KANSL1: variants seen among roughly 807,000 people sequenced by gnomAD.
KANSL1 encodes MLL1/MLL complex subunit KANSL1.
Under a neutral mutation model 103.6 loss-of-function variants are expected in KANSL1, and 22 were observed. That is an observed-to-expected ratio of 0.21 (90% CI 0.15 to 0.30). KANSL1 has a LOEUF of 0.30. Among genes scored for constraint, KANSL1 ranks in the 10% least tolerant of loss-of-function variants. The pLI is 1.00. For synonymous variants in KANSL1, 600 were observed against 527.6 expected, an observed-to-expected ratio of 1.14 and a Z score of -1.88; for missense variants, 1,337 against 1,399.8, an observed-to-expected ratio of 0.96 and a Z score of 0.72.
At chr17:46,064,632 C>T (rs953486540) in intron 6 of KANSL1, among the ~76,000 whole-genome samples, 1 of 152,152 alleles carries the variant, frequency 6.6e-6, no homozygotes. Context: ...AATCCCTCCT[C>T]CTCCTCCCTC....
chr17:46,175,310 C>G (rs2046465662), intron 1 of KANSL1, among the ~76,000 whole-genome samples: 1 of 137,572 alleles, frequency 7.3e-6, no homozygotes, highest in Non-Finnish European at 1.6e-5. Context: ...TGTCTTATTG[C>G]TGTGTGTGTG....
At chr17:46,129,083 TGAAAA>T in intron 2 of KANSL1, among the ~76,000 whole-genome samples, 1 of 147,530 alleles carries the variant, frequency 6.8e-6, no homozygotes, top group East Asian at 1.9e-4. Context: ...AATGTAGAGA[TGAAAA>T]GAAAAAAAAA....
At chr17:46,090,108 T>A (rs1355263189) in intron 3 of KANSL1, among the ~76,000 whole-genome samples, 1 of 152,172 alleles carries the variant, frequency 6.6e-6, no homozygotes, top group Non-Finnish European at 1.5e-5. Flanking sequence ...GACATGGAAA[T>A]CTACACAGAT....
intron 2 of KANSL1, among the ~76,000 whole-genome samples, chr17:46,167,029 T>A (rs1415206879): frequency 3.4e-5 from 5 of 148,652 alleles, no homozygotes; most frequent in African/African-American, 1.3e-4. Context: ...AAAAAAAATT[T>A]CGGGGACAGA....
chr17:46,146,080 G>C (rs1195517033), intron 2 of KANSL1, among the ~76,000 whole-genome samples: 8 of 152,174 alleles, frequency 5.3e-5, no homozygotes, highest in Non-Finnish European at 8.8e-5. Flanking sequence ...CTCTACTCTA[G>C]CAGCTAAAGA....
In KANSL1 at chr17:46,030,583, T is replaced by C. The variant is rs1243175652; in HGVS notation, c.*893A>G. ...TGTGAAGGAAACATGGCAAAGTGAA[T>C]CAGAGGGAAAAAAAAAAAAAATCAC... On this transcript the variant is annotated 3_prime_UTR_variant, in exon 15 of 15. Coordinates refer to ENST00000432791, the MANE Select transcript of KANSL1 (RefSeq NM_015443.4). 1.5e-5 allele frequency: 2 copies of C among 136,806 alleles called. No individual in the cohort carries two copies. The highest frequency in any genetic ancestry group is 5.8e-5 in the African/African-American group (2 of 34,708). 8.5% of individuals were successfully genotyped at this position (136,806 alleles called of 1,614,324 possible).
chr17:46,084,860 A>C (rs1297354327), intron 3 of KANSL1, among the ~76,000 whole-genome samples: 1 of 152,156 alleles, frequency 6.6e-6, no homozygotes, highest in African/African-American at 2.4e-5. Flanking sequence ...AATCAAAAGC[A>C]TAAGATATAC....
At chr17:46,224,160 T>C (rs2048612936), upstream of KANSL1, among the ~76,000 whole-genome samples, 1 of 152,264 alleles carries the variant, frequency 6.6e-6, no homozygotes, top group African/African-American at 2.4e-5. Context: ...CACATTTAAT[T>C]ATATTTAGTA....
chr17:46,102,523 T>A (rs556025423), intron 2 of KANSL1, among the ~76,000 whole-genome samples: 5 of 152,334 alleles, frequency 3.3e-5, no homozygotes, highest in African/African-American at 1.2e-4. Context: ...GTGCTGCAGT[T>A]ACAGGTGTGA....
intron 2 of KANSL1, among the ~76,000 whole-genome samples, chr17:46,136,012 G>A (rs2044121959): frequency 6.6e-6 from 1 of 151,992 alleles, no homozygotes; most frequent in Non-Finnish European, 1.5e-5. Context: ...CATAACTACT[G>A]AGAAGGTATC....
chr17:46,115,076 T>G, intron 2 of KANSL1, among the ~76,000 whole-genome samples: 1 of 152,286 alleles, frequency 6.6e-6, no homozygotes, highest in Non-Finnish European at 1.5e-5. Context: ...TTTATTTATT[T>G]TGAGATGGAG....
Position 46,171,841 on chromosome 17 carries a change from G to C in KANSL1, c.303C>G (p.Val101=). The change falls in exon 2 of 15, where the codon GTC becomes GTG. Residue 101 remains valine (V), a synonymous_variant. Transcript: ENST00000432791. ...ATTTAAGGACTGTCTGCTTGCTGAA[G>C]ACCCCTTGCAACTTCAAAGACTCCT... ...PSKESLKLQG[V]FSKQTVLKSH... is the part of the protein sequence containing the mutation. 2 of 1,614,222 alleles carry C rather than the reference G, an allele frequency of 1.2e-6. No individual in the cohort carries two copies. Among genetic ancestry groups the C allele is most frequent in the Non-Finnish European group, 1.7e-6 (2 of 1,180,020 alleles).
chr17:46,063,282 T>C (rs2078246760), intron 6 of KANSL1, among the ~76,000 whole-genome samples: 1 of 152,230 alleles, frequency 6.6e-6, no homozygotes, highest in Admixed American at 6.5e-5. Context: ...GTAAGCTCCA[T>C]GAAGATAAGG....
intron 1 of KANSL1, among the ~76,000 whole-genome samples, chr17:46,199,662 G>A (rs1344241202): frequency 6.6e-6 from 1 of 152,128 alleles, no homozygotes; most frequent in Non-Finnish European, 1.5e-5. Context: ...ATATTATTTT[G>A]CCATCTCACC....
At chr17:46,133,855 G>T (rs1022481589) in intron 2 of KANSL1, among the ~76,000 whole-genome samples, 1 of 152,172 alleles carries the variant, frequency 6.6e-6, no homozygotes, top group Non-Finnish European at 1.5e-5. Context: ...GTCAATACAA[G>T]GATATCAATT....
chr17:46,041,025 A>G (rs2077295010), intron 7 of KANSL1: 1 of 152,256 alleles, frequency 6.6e-6, no homozygotes, highest in South Asian at 2.1e-4. Flanking sequence ...ACTGATAGAA[A>G]TACGGGCAGT....
intron 2 of KANSL1, among the ~76,000 whole-genome samples, chr17:46,164,159 T>C (rs1567752487): frequency 6.6e-6 from 1 of 152,246 alleles, no homozygotes; most frequent in African/African-American, 2.4e-5. Flanking sequence ...TAAGTACTTA[T>C]TATATGACTT....
At chr17:46,033,483 T>C in intron 11 of KANSL1, 23 bp from the exon 12 acceptor site, 1 of 1,610,832 alleles carries the variant, frequency 6.2e-7, no homozygotes, top group Non-Finnish European at 8.5e-7. Flanking sequence ...GAACAGACAA[T>C]CATGAGATGG....
At chr17:46,092,103 G>A (rs1445766596) in intron 3 of KANSL1, among the ~76,000 whole-genome samples, 1 of 152,182 alleles carries the variant, frequency 6.6e-6, no homozygotes, top group Non-Finnish European at 1.5e-5. Flanking sequence ...CCAAAGTGCT[G>A]AGATTACAGG....
Sources: gnomAD v4.1 joint callset for allele counts (sites outside exome capture counted in the v4.1 genomes callset) on GRCh38, gnomAD v4.1.1 for gene constraint, MANE v1.5 for transcripts, NCBI Gene and HGNC (gene_info 2026-07-23, HGNC 2026-07-21) for gene names.